Variants in RPAP2 observed in about 807,000 individuals in gnomAD.
RPAP2 encodes RNA polymerase II associated protein 2, also known as putative RNA polymerase II subunit B1 CTD phosphatase RPAP2.
RPAP2 carries 52 observed loss-of-function variants against 73.1 expected under a neutral mutation model. That is an observed-to-expected ratio of 0.71 (90% confidence interval 0.57 to 0.90). The LOEUF is 0.90. Among genes scored for constraint, RPAP2 ranks in the 40% least tolerant of loss-of-function variants. The probability of loss-of-function intolerance (pLI) is 0.00; values close to 1 mark genes in which losing one functional copy is unlikely to be tolerated. For synonymous variants in RPAP2, 225 were observed against 242.1 expected, an observed-to-expected ratio of 0.93 and a Z score of 0.65; for missense variants, 598 against 701.8, an observed-to-expected ratio of 0.85 and a Z score of 1.67.
chr1:92,343,243 C>G (rs1653696646), intron 10 of RPAP2, among the ~76,000 whole-genome samples: 1 of 152,116 alleles, frequency 6.6e-6, no homozygotes, highest in Admixed American at 6.6e-5. Context: ...AAGTGCTGGA[C>G]AGATTAAGAT....
intron 9 of RPAP2, among the ~76,000 whole-genome samples, chr1:92,334,263 T>C (rs1412745856): frequency 6.6e-6 from 1 of 152,198 alleles, no homozygotes; most frequent in East Asian, 1.9e-4. Flanking sequence ...TAGGAGTTTT[T>C]TGTTGTTTGT....
At chr1:92,314,874 G>C (rs1351476215) in intron 6 of RPAP2, among the ~76,000 whole-genome samples, 1 of 151,482 alleles carries the variant, frequency 6.6e-6, no homozygotes, top group Non-Finnish European at 1.5e-5. Flanking sequence ...GCAAAACCCC[G>C]TCTCTACTAA....
At position 92,375,915 on chromosome 1, in the gene RPAP2, G is replaced by C. The variant is rs912336586; in HGVS notation, c.1689-4809G>C. ...CTCAGGAAGCAGAGGCCCAAAAACCGCTTGAACCCAGGAGGCAGAGGTTGC... is the reference window on the plus strand; with the variant it reads ...CTCAGGAAGCAGAGGCCCAAAAACCCCTTGAACCCAGGAGGCAGAGGTTGC... On this transcript the variant is annotated intron_variant, in intron 11 of 12. Transcript: ENST00000610020. Among the ~76,000 whole-genome samples the C allele has an allele frequency of 1.4e-5, 2 of 147,262 alleles. 1 individual carries two copies. Among genetic ancestry groups the C allele is most frequent in the South Asian group, 4.3e-4 (2 of 4,636 alleles).
At position 92,307,077 on chromosome 1, in the gene RPAP2, G is replaced by A. The variant is rs1368075820; in HGVS notation, c.400-111G>A. The A allele has an allele frequency of 9.7e-6, 7 of 724,846 alleles. No individual in the cohort carries two copies. In the Admixed American group the frequency reaches 1.9e-4, roughly 20 times the overall value. 44.9% of individuals were successfully genotyped at this position (724,846 alleles called of 1,614,324 possible). ...ATTTCTTACCTTGGGTGGTAGATCT[G>A]TAGGTTTCCATTTTATTCTTTGAAC... On this transcript the variant is annotated intron_variant, in intron 5 of 12. Transcript: ENST00000610020.
chr1:92,371,234 G>C (rs1431592479), intron 11 of RPAP2, among the ~76,000 whole-genome samples: 10 of 151,934 alleles, frequency 6.6e-5, no homozygotes, highest in Admixed American at 6.6e-4. Flanking sequence ...GAACCTGGAA[G>C]GCAGAGTTCG....
At chr1:92,386,597 T>C (rs1188485535) in intron 12 of RPAP2, among the ~76,000 whole-genome samples, 3 of 152,212 alleles carry the variant, frequency 2.0e-5, no homozygotes, top group African/African-American at 4.8e-5. Context: ...CAAACTGTTG[T>C]TGGGTAGAAT....
At chr1:92,358,104 G>T (rs922456968) in intron 11 of RPAP2, among the ~76,000 whole-genome samples, 1 of 152,142 alleles carries the variant, frequency 6.6e-6, no homozygotes, top group African/African-American at 2.4e-5. Context: ...GTCTTTCAGA[G>T]ATCTGGAGCC....
chr1:92,330,366 T>A (rs912155689), intron 8 of RPAP2, among the ~76,000 whole-genome samples: 1 of 152,090 alleles, frequency 6.6e-6, no homozygotes, highest in African/African-American at 2.4e-5. Flanking sequence ...CTAAAATTAA[T>A]GTTAGTTCTT....
chr1:92,324,147 A>C lies in RPAP2; in HGVS notation c.1227A>C (p.Glu409Asp), dbSNP rs1305557406. 2 of 1,614,170 alleles carry C rather than the reference A, an allele frequency of 1.2e-6. No individual in the cohort carries two copies. Among genetic ancestry groups the C allele is most frequent in the Admixed American group, 1.7e-5 (1 of 60,026 alleles). The change falls in exon 8 of 13, where the codon GAA becomes GAC. Residue 409 changes from glutamate to aspartate, a missense_variant. Glu to Asp is a conservative substitution (Grantham distance 45, BLOSUM62 2). Transcript: ENST00000610020. ...EASLVKEELD[E>D]DDIISDPDSH... ...CTCTGGTTAAAGAAGAACTTGATGAAGATGACATAATCTCAGATCCAGATA... is the reference window on the plus strand; with the variant it reads ...CTCTGGTTAAAGAAGAACTTGATGACGATGACATAATCTCAGATCCAGATA...
intron 6 of RPAP2, among the ~76,000 whole-genome samples, chr1:92,319,562 G>A (rs1302840153): frequency 6.6e-6 from 1 of 152,106 alleles, no homozygotes; most frequent in Non-Finnish European, 1.5e-5. Flanking sequence ...GCGAGGGGTT[G>A]TTACTACTCC....
chr1:92,376,389 G>A (rs185028882), intron 11 of RPAP2, among the ~76,000 whole-genome samples: 12 of 152,094 alleles, frequency 7.9e-5, no homozygotes, highest in African/African-American at 2.4e-4. Flanking sequence ...GAAATACAAG[G>A]GAATAAATAA....
chr1:92,321,474 A>T (rs552163343), intron 7 of RPAP2, among the ~76,000 whole-genome samples: 19 of 151,816 alleles, frequency 1.3e-4, no homozygotes, highest in African/African-American at 2.9e-4. Flanking sequence ...ATATATATAT[A>T]TATTTTTTTC....
intron 11 of RPAP2, among the ~76,000 whole-genome samples, chr1:92,356,552 G>A (rs966700344): frequency 8.6e-5 from 13 of 150,400 alleles, no homozygotes; most frequent in Non-Finnish European, 8.9e-5. Flanking sequence ...CCAAGTAGCT[G>A]GGATTATAGG....
chr1:92,357,512 A>G (rs540167558), intron 11 of RPAP2, among the ~76,000 whole-genome samples: 1 of 152,280 alleles, frequency 6.6e-6, no homozygotes, highest in Admixed American at 6.5e-5. Context: ...CTAGAAGGAA[A>G]GGTTGGGTCT....
At chr1:92,346,018 T>C (rs966696192) in intron 11 of RPAP2, 104 bp downstream of exon 11, 9 of 745,614 alleles carry the variant, frequency 1.2e-5, no homozygotes, top group African/African-American at 1.1e-4. Flanking sequence ...TTGGAAAATA[T>C]CATACCTCTA....
At chr1:92,362,890 A>G (rs974252201) in intron 11 of RPAP2, among the ~76,000 whole-genome samples, 1 of 152,158 alleles carries the variant, frequency 6.6e-6, no homozygotes, top group Admixed American at 6.6e-5. Flanking sequence ...AGTGCAGAAA[A>G]AAATGTTGCT....
Position 92,386,724 on chromosome 1 carries a change from G to A in RPAP2, c.*-287G>A, listed in dbSNP as rs370189000. ...TTGTTTTTTGGGTTTTTTTTGAGAT[G>A]GTGTCTTGCTCTGTCACCCAGGCTG... On this transcript the variant is annotated intron_variant, in intron 12 of 12. Coordinates refer to ENST00000610020, the MANE Select transcript of RPAP2 (RefSeq NM_024813.3). Among the ~76,000 whole-genome samples the A allele has an allele frequency of 5.7e-4, 86 of 151,890 alleles. 1 individual carries two copies. The highest frequency in any genetic ancestry group is 2.0e-3 in the African/African-American group (81 of 41,452).
chr1:92,360,065 A>C (rs1654660852), intron 11 of RPAP2, among the ~76,000 whole-genome samples: 1 of 152,232 alleles, frequency 6.6e-6, no homozygotes, highest in South Asian at 2.1e-4. Context: ...ACTTTGCCCA[A>C]GGTCAGAGCT....
Position 92,307,175 on chromosome 1 carries a change from A to C in RPAP2, c.400-13A>C. 1 of 1,580,546 alleles carries C rather than the reference A, an allele frequency of 6.3e-7. No individual in the cohort carries two copies. Among genetic ancestry groups the C allele is most frequent in the Non-Finnish European group, 8.7e-7 (1 of 1,153,430 alleles). On this transcript the variant is annotated splice_polypyrimidine_tract_variant and intron_variant, in intron 5 of 12. Coordinates refer to ENST00000610020, the MANE Select transcript of RPAP2 (RefSeq NM_024813.3). ...TGATAAGAAAAAAACTAGATTTATA[A>C]TGTTCTTTTCAGTCTTTTTGCAGCA...
Sources: allele counts gnomAD v4.1 joint callset (sites outside exome capture counted in the v4.1 genomes callset), GRCh38; gene constraint gnomAD v4.1.1; transcripts MANE v1.5; gene names NCBI Gene and HGNC (gene_info 2026-07-23, HGNC 2026-07-21).